HHAT: variants seen among roughly 807,000 people sequenced by gnomAD.
HHAT encodes protein-cysteine N-palmitoyltransferase HHAT.
A neutral mutation model predicts 70.8 loss-of-function variants in HHAT; 47 were observed. The observed-to-expected ratio is 0.66, with a 90% confidence interval of 0.53 to 0.85. The LOEUF (loss-of-function observed/expected upper bound fraction) is 0.85, where lower values mean the gene tolerates loss of function less well. HHAT is among the 40% of genes least tolerant of loss of function. HHAT has a pLI of 0.00. For missense variants in HHAT, 609 were observed against 604.8 expected, an observed-to-expected ratio of 1.01 and a Z score of -0.07; for synonymous variants, 228 against 247.6, an observed-to-expected ratio of 0.92 and a Z score of 0.74.
At chr1:210,490,231 G>A (rs1011983387) in intron 8 of HHAT, among the ~76,000 whole-genome samples, 3 of 152,182 alleles carry the variant, frequency 2.0e-5, no homozygotes, top group Non-Finnish European at 2.9e-5. Context: ...ACCAAGTAAT[G>A]GTGTAGAAGA....
chr1:210,428,931 G>C (rs558599388), intron 7 of HHAT, among the ~76,000 whole-genome samples: 3 of 151,674 alleles, frequency 2.0e-5, no homozygotes, highest in African/African-American at 7.3e-5. Context: ...AGCTATGATC[G>C]CACCACTGCA....
At chr1:210,428,323 T>TATAA (rs2093136463) in intron 7 of HHAT, among the ~76,000 whole-genome samples, 1 of 46,706 alleles carries the variant, frequency 2.1e-5, no homozygotes, top group Non-Finnish European at 5.3e-5. Context: ...TATATATATA[T>TATAA]ATATATATAT....
chr1:210,601,118 TGTG>T (rs1476963128), intron 10 of HHAT, among the ~76,000 whole-genome samples: 1 of 151,982 alleles, frequency 6.6e-6, no homozygotes, highest in Non-Finnish European at 1.5e-5. Flanking sequence ...CCAAAGACTC[TGTG>T]GTGGTGGTAA....
chr1:210,461,897 T>C (rs1416723795), intron 7 of HHAT, among the ~76,000 whole-genome samples: 1 of 152,174 alleles, frequency 6.6e-6, no homozygotes, highest in African/African-American at 2.4e-5. Flanking sequence ...TCCATTCACA[T>C]AGTGGTTTAA....
At chr1:210,537,297 T>A (rs1264691764) in intron 9 of HHAT, among the ~76,000 whole-genome samples, 1 of 152,188 alleles carries the variant, frequency 6.6e-6, no homozygotes, top group East Asian at 1.9e-4. Flanking sequence ...ACCCTTCTTC[T>A]GCTGTCTGCC....
intron 11 of HHAT, among the ~76,000 whole-genome samples, chr1:210,662,034 T>A (rs1677842361): frequency 6.6e-6 from 1 of 152,166 alleles, no homozygotes; most frequent in Admixed American, 6.5e-5. Context: ...GTTTAGCTGT[T>A]TTTATCTTAT....
At chr1:210,627,939 T>C (rs1312868030) in intron 11 of HHAT, among the ~76,000 whole-genome samples, 1 of 152,196 alleles carries the variant, frequency 6.6e-6, no homozygotes, top group Non-Finnish European at 1.5e-5. Flanking sequence ...TGCAGGTTGC[T>C]TTTTACAAGC....
chr1:210,673,762 ATTATTTATTTATTTATTTAT>A (rs58146322), intron 11 of HHAT, among the ~76,000 whole-genome samples: 14,865 of 91,874 alleles, frequency 0.16, 1,645 homozygotes, highest in African/African-American at 0.28. Flanking sequence ...TGGCTTATTT[ATTATTTATTTATTTATTTAT>A]TTATTTATTT....
chr1:210,546,184 C>A (rs543586449), intron 9 of HHAT, among the ~76,000 whole-genome samples: 2 of 152,340 alleles, frequency 1.3e-5, no homozygotes, highest in South Asian at 4.1e-4. Flanking sequence ...TGCCAGGCAA[C>A]ACACTGGGCC....
intron 6 of HHAT, among the ~76,000 whole-genome samples, chr1:210,417,337 A>G (rs2092752808): frequency 6.6e-6 from 1 of 152,114 alleles, no homozygotes; most frequent in African/African-American, 2.4e-5. Flanking sequence ...GGTTCAAGCA[A>G]TTCTCCTGCC....
intron 8 of HHAT, among the ~76,000 whole-genome samples, chr1:210,472,560 A>C (rs1417257200): frequency 6.6e-6 from 1 of 152,130 alleles, no homozygotes; most frequent in Middle Eastern, 3.2e-3. Flanking sequence ...TTACATACTG[A>C]CCCCTAGAAA....
intron 7 of HHAT, among the ~76,000 whole-genome samples, chr1:210,435,142 C>T (rs1339329046): frequency 6.6e-6 from 1 of 151,798 alleles, no homozygotes; most frequent in Non-Finnish European, 1.5e-5. Flanking sequence ...CTTTCCCTTC[C>T]CAGCCTCTGG....
rs185188834 is a variant in HHAT, at chr1:210,356,728, C to T, written c.92-6124C>T. ...CTTCATGCAACATGCTAACCTCTTACGGGTCATGGGCTTTGTTAGGAAGTA... is the reference window on the plus strand; with the variant it reads ...CTTCATGCAACATGCTAACCTCTTATGGGTCATGGGCTTTGTTAGGAAGTA... On this transcript the variant is annotated intron_variant, in intron 2 of 11. Coordinates refer to ENST00000261458, the MANE Select transcript of HHAT (RefSeq NM_018194.6). Among the ~76,000 whole-genome samples the T allele has an allele frequency of 9.9e-4, 151 of 152,320 alleles. 1 individual carries two copies. Among genetic ancestry groups the T allele is most frequent in the African/African-American group, 3.3e-3 (137 of 41,574 alleles).
At chr1:210,660,645 C>T (rs555251469) in intron 11 of HHAT, among the ~76,000 whole-genome samples, 21 of 152,256 alleles carry the variant, frequency 1.4e-4, no homozygotes, top group Non-Finnish European at 2.5e-4. Flanking sequence ...GGAGGCATCA[C>T]GCTACCTGAC....
intron 9 of HHAT, among the ~76,000 whole-genome samples, chr1:210,521,398 G>A (rs1342486084): frequency 1.3e-5 from 2 of 152,172 alleles, no homozygotes; most frequent in Non-Finnish European, 2.9e-5. Context: ...GATATTACCT[G>A]CTTTTGGGTT....
At chr1:210,637,871 A>AGGGGGGGG (rs1553312397) in intron 11 of HHAT, among the ~76,000 whole-genome samples, 1 of 117,498 alleles carries the variant, frequency 8.5e-6, no homozygotes, top group African/African-American at 3.2e-5. Flanking sequence ...AAAAAAAAAA[A>AGGGGGGGG]GGGGGGGGCA....
intron 11 of HHAT, among the ~76,000 whole-genome samples, chr1:210,640,782 C>T (rs918046441): frequency 6.6e-6 from 1 of 152,082 alleles, no homozygotes; most frequent in Non-Finnish European, 1.5e-5. Flanking sequence ...TCAGCTGGAC[C>T]TGAGGGAGAA....
chr1:210,338,602 A>G (rs1171418393), intron 1 of HHAT, among the ~76,000 whole-genome samples: 2 of 152,190 alleles, frequency 1.3e-5, no homozygotes, highest in African/African-American at 4.8e-5. Flanking sequence ...TCCTCATATC[A>G]ATCTTCTGAG....
chr1:210,374,226 T>G (rs951383036), intron 3 of HHAT: 1 of 151,874 alleles, frequency 6.6e-6, no homozygotes, highest in Non-Finnish European at 1.5e-5. Context: ...AAATCTTTAG[T>G]AAAAGGCGAA....
Sources: gnomAD v4.1 joint callset for allele counts (sites outside exome capture counted in the v4.1 genomes callset) on GRCh38, gnomAD v4.1.1 for gene constraint, MANE v1.5 for transcripts, NCBI Gene and HGNC (gene_info 2026-07-23, HGNC 2026-07-21) for gene names.